The following SMYD3 variants were observed in gnomAD, a reference collection of about 807,000 sequenced individuals.
The protein encoded by SMYD3 is histone-lysine N-methyltransferase SMYD3.
A neutral mutation model predicts 57.7 loss-of-function variants in SMYD3; 36 were observed. The observed-to-expected ratio is 0.62, with a 90% confidence interval of 0.48 to 0.82. SMYD3 has a LOEUF of 0.82. Among genes scored for constraint, SMYD3 ranks in the 40% least tolerant of loss-of-function variants. SMYD3 has a pLI of 0.00. For missense variants in SMYD3, 515 were observed against 538.8 expected (o/e 0.96, Z 0.44); for synonymous variants, 211 against 195.0 (o/e 1.08, Z -0.68).
At chr1:245,771,101 TACATACATATATAC>T (rs1253056540) in intron 10 of SMYD3, among the ~76,000 whole-genome samples, 2 of 151,864 alleles carry the variant, frequency 1.3e-5, no homozygotes, top group African/African-American at 2.4e-5. Context: ...CCCACATATA[TACATACATATATAC>T]ACATACATAT....
intron 1 of SMYD3, among the ~76,000 whole-genome samples, chr1:246,472,190 C>G (rs2067969909): frequency 6.6e-6 from 1 of 152,118 alleles, no homozygotes; most frequent in African/African-American, 2.4e-5. Flanking sequence ...ATCCACCCGC[C>G]TAGCACCCAT....
chr1:246,349,600 C>T (rs2065788554), intron 2 of SMYD3, among the ~76,000 whole-genome samples: 1 of 149,902 alleles, frequency 6.7e-6, no homozygotes, highest in South Asian at 2.1e-4. Context: ...AGAGAGAGAT[C>T]CCATTTCTAA....
chr1:246,050,101 AAGCT>A (rs1558183136), intron 5 of SMYD3, among the ~76,000 whole-genome samples: 1 of 152,224 alleles, frequency 6.6e-6, no homozygotes, highest in African/African-American at 2.4e-5. Context: ...CATAAACTAC[AAGCT>A]AGTGTTCTTT....
At chr1:245,757,529 T>C (rs1243099099) in intron 11 of SMYD3, among the ~76,000 whole-genome samples, 2 of 152,126 alleles carry the variant, frequency 1.3e-5, no homozygotes, top group African/African-American at 4.8e-5. Context: ...TTTTCCTTAA[T>C]GTGTTCTTCT....
At chr1:246,262,987 T>C (rs1011997160) in intron 5 of SMYD3, among the ~76,000 whole-genome samples, 1 of 152,190 alleles carries the variant, frequency 6.6e-6, no homozygotes, top group Non-Finnish European at 1.5e-5. Flanking sequence ...ACTTTGTATG[T>C]AAATAAATCC....
intron 8 of SMYD3, among the ~76,000 whole-genome samples, chr1:245,869,370 C>T (rs1451811829): frequency 1.1e-4 from 17 of 152,318 alleles, no homozygotes; most frequent in Non-Finnish European, 7.3e-5. Flanking sequence ...CACTGCATGA[C>T]CCCGGGCAAG....
chr1:245,962,570 C>T (rs1173244447), intron 5 of SMYD3, among the ~76,000 whole-genome samples: 2 of 152,128 alleles, frequency 1.3e-5, no homozygotes, highest in Non-Finnish European at 2.9e-5. Flanking sequence ...GGCCAGACAG[C>T]CTGGCTAAGC....
At chr1:246,404,669 G>A (rs184284031) in intron 1 of SMYD3, among the ~76,000 whole-genome samples, 1 of 152,136 alleles carries the variant, frequency 6.6e-6, no homozygotes, top group East Asian at 1.9e-4. Context: ...TGATCTCTGT[G>A]CCCTCTTTAC....
At chr1:246,154,255 A>G (rs1373815443) in intron 5 of SMYD3, among the ~76,000 whole-genome samples, 1 of 152,206 alleles carries the variant, frequency 6.6e-6, no homozygotes, top group African/African-American at 2.4e-5. Flanking sequence ...TAACTATGGA[A>G]AAAGTTAACA....
At chr1:245,821,425 C>T (rs1299807059) in intron 10 of SMYD3, among the ~76,000 whole-genome samples, 1 of 150,304 alleles carries the variant, frequency 6.7e-6, no homozygotes, top group Non-Finnish European at 1.5e-5. Flanking sequence ...AAATGTTAGA[C>T]CTAAAACCAT....
intron 5 of SMYD3, among the ~76,000 whole-genome samples, chr1:246,303,067 C>T (rs2064919949): frequency 1.3e-5 from 2 of 152,292 alleles, no homozygotes; most frequent in South Asian, 4.1e-4. Context: ...GAGCTCCTAA[C>T]ACAACAATAG....
At chr1:246,301,325 G>A (rs189576195) in intron 5 of SMYD3, among the ~76,000 whole-genome samples, 4 of 152,148 alleles carry the variant, frequency 2.6e-5, no homozygotes, top group Admixed American at 1.3e-4. Flanking sequence ...TTCAATTCTC[G>A]TGCAGGAGCC....
chr1:246,397,881 C>T (rs565336101), intron 1 of SMYD3, among the ~76,000 whole-genome samples: 74 of 144,676 alleles, frequency 5.1e-4, no homozygotes, highest in African/African-American at 1.9e-3. Context: ...GAGTCGGCCT[C>T]TGGGGTGGGG....
chr1:246,014,043 G>A (rs1043088117), intron 5 of SMYD3, among the ~76,000 whole-genome samples: 4 of 152,196 alleles, frequency 2.6e-5, no homozygotes, highest in Non-Finnish European at 5.9e-5. Flanking sequence ...AGTATCTGTC[G>A]GCCAGGCGTG....
chr1:245,762,254 A>G (rs2045878488), intron 11 of SMYD3, among the ~76,000 whole-genome samples: 1 of 152,140 alleles, frequency 6.6e-6, no homozygotes, highest in African/African-American at 2.4e-5. Context: ...TTGACCTCAC[A>G]CAGCTGTCAC....
intron 10 of SMYD3, among the ~76,000 whole-genome samples, chr1:245,777,678 T>C (rs962039466): frequency 6.6e-6 from 1 of 152,180 alleles, no homozygotes; most frequent in Non-Finnish European, 1.5e-5. Context: ...CCTTATAGGC[T>C]CAAGGTATTT....
At chr1:246,415,268 G>A (rs1368079092) in intron 1 of SMYD3, among the ~76,000 whole-genome samples, 3 of 152,194 alleles carry the variant, frequency 2.0e-5, no homozygotes, top group Non-Finnish European at 1.5e-5. Context: ...AACAGTTACA[G>A]CATTTACCTT....
intron 5 of SMYD3, among the ~76,000 whole-genome samples, chr1:246,272,823 T>C (rs921028914): frequency 1.3e-5 from 2 of 152,210 alleles, no homozygotes; most frequent in Non-Finnish European, 2.9e-5. Flanking sequence ...GAAGTATTTC[T>C]TCCTCTTCAA....
intron 5 of SMYD3, among the ~76,000 whole-genome samples, chr1:246,044,897 T>C (rs1258515676): frequency 1.3e-5 from 2 of 152,108 alleles, no homozygotes; most frequent in South Asian, 2.1e-4. Flanking sequence ...TTTGAGAGTA[T>C]AAAATACCTA....
Sources: gnomAD v4.1 joint callset for allele counts (sites outside exome capture counted in the v4.1 genomes callset) on GRCh38, gnomAD v4.1.1 for gene constraint, MANE v1.5 for transcripts, NCBI Gene and HGNC (gene_info 2026-07-23, HGNC 2026-07-21) for gene names.